The following COL11A1 variants were observed in gnomAD, a reference collection of about 807,000 sequenced individuals.
COL11A1 encodes the protein collagen type XI alpha 1 chain.
COL11A1 carries 74 observed loss-of-function variants against 265.2 expected under a neutral mutation model. The observed-to-expected ratio is 0.28, with a 90% CI of 0.23 to 0.34. The LOEUF is 0.34. Ranked by LOEUF, COL11A1 falls within the 10% of genes least tolerant of loss-of-function variation. The pLI, the probability that COL11A1 is intolerant of heterozygous loss-of-function variation, is 1.00. For synonymous variants in COL11A1, 816 were observed against 727.6 expected (o/e 1.12, Z -1.96); for missense variants, 2,165 against 2,263.6 (o/e 0.96, Z 0.88).
chr1:102,989,741 T>G lies in COL11A1; in HGVS notation c.2341-170A>C, dbSNP rs189185621. Among the ~76,000 whole-genome samples, 24 of 152,290 alleles carry G rather than the reference T, an allele frequency of 1.6e-4. No homozygotes were observed. The East Asian group carries it at 4.6e-3, about 29-fold the overall frequency. ...CTTTTCCAACTCCAGCCACAGATTC[T>G]GATCCCCAATATCATCTCATATTTT... is the stretch of plus-strand genomic sequence containing the variant. On this transcript the variant is annotated intron_variant, in intron 28 of 66. Coordinates refer to ENST00000370096, the MANE Select transcript of COL11A1 (RefSeq NM_001854.4).
intron 41 of COL11A1, among the ~76,000 whole-genome samples, chr1:102,960,213 GA>G (rs1660762750): frequency 6.6e-6 from 1 of 152,112 alleles, no homozygotes; most frequent in Non-Finnish European, 1.5e-5. Flanking sequence ...TGATGTGAGT[GA>G]AGTAAAGAGT....
intron 41 of COL11A1, among the ~76,000 whole-genome samples, chr1:102,948,128 T>A (rs1659511203): frequency 6.6e-6 from 1 of 152,034 alleles, no homozygotes; most frequent in African/African-American, 2.4e-5. Context: ...TTGTTCTAAT[T>A]TGTATTTTTA....
At chr1:103,087,499 G>A (rs138272419) in intron 1 of COL11A1, among the ~76,000 whole-genome samples, 2 of 152,146 alleles carry the variant, frequency 1.3e-5, no homozygotes, top group East Asian at 3.9e-4. Context: ...TGGATATCTG[G>A]ACACTCCCAC....
chr1:103,068,472 A>C (rs1243911885), intron 4 of COL11A1, among the ~76,000 whole-genome samples: 1 of 151,640 alleles, frequency 6.6e-6, no homozygotes, highest in East Asian at 1.9e-4. Flanking sequence ...ATCCAATGAA[A>C]ACTTTCAGCC....
At chr1:102,879,241 T>C (rs1239215297) in intron 66 of COL11A1, among the ~76,000 whole-genome samples, 2 of 152,118 alleles carry the variant, frequency 1.3e-5, no homozygotes, top group Non-Finnish European at 2.9e-5. Context: ...CAAACTGATA[T>C]AGTACAAATT....
intron 41 of COL11A1, among the ~76,000 whole-genome samples, chr1:102,958,003 G>T (rs1660533864): frequency 6.6e-6 from 1 of 151,948 alleles, no homozygotes; most frequent in Non-Finnish European, 1.5e-5. Context: ...TCATCACTTT[G>T]CTTTGCTTTT....
At chr1:102,956,371 G>A (rs74110529) in intron 41 of COL11A1, among the ~76,000 whole-genome samples, 1 of 152,006 alleles carries the variant, frequency 6.6e-6, no homozygotes, top group East Asian at 1.9e-4. Context: ...CTCTTTGCAG[G>A]AAGGTCCATT....
intron 4 of COL11A1, among the ~76,000 whole-genome samples, chr1:103,066,990 A>G (rs1333182523): frequency 2.0e-5 from 3 of 151,960 alleles, no homozygotes; most frequent in Admixed American, 6.6e-5. Flanking sequence ...TCTAACAATG[A>G]TAAATGTGCA....
At chr1:103,101,823 A>G (rs1426381042) in intron 1 of COL11A1, among the ~76,000 whole-genome samples, 1 of 151,952 alleles carries the variant, frequency 6.6e-6, no homozygotes, top group Non-Finnish European at 1.5e-5. Context: ...TTAGTTCTCA[A>G]TTGTCAAGTC....
intron 9 of COL11A1, among the ~76,000 whole-genome samples, chr1:103,019,076 G>T (rs1427138582): frequency 6.6e-6 from 1 of 152,120 alleles, no homozygotes; most frequent in African/African-American, 2.4e-5. Context: ...TGAATTAAGT[G>T]GAGTGGAAAT....
chr1:103,039,132 G>C (rs1264408519), intron 4 of COL11A1, among the ~76,000 whole-genome samples: 2 of 152,162 alleles, frequency 1.3e-5, no homozygotes, highest in African/African-American at 4.8e-5. Flanking sequence ...ACTTAAGACA[G>C]TGACTTTTAT....
At chr1:102,878,542 G>T (rs1649826569) in intron 66 of COL11A1, among the ~76,000 whole-genome samples, 1 of 85,368 alleles carries the variant, frequency 1.2e-5, no homozygotes, top group Non-Finnish European at 2.4e-5. Context: ...TTGAGATGAA[G>T]TTTTGCTCTG....
At chr1:102,911,053 G>A (rs1055995164) in intron 54 of COL11A1, among the ~76,000 whole-genome samples, 13 of 152,052 alleles carry the variant, frequency 8.5e-5, no homozygotes, top group African/African-American at 2.7e-4. Flanking sequence ...CAAAAATCAT[G>A]TACACTTTCC....
intron 20 of COL11A1, among the ~76,000 whole-genome samples, chr1:103,003,815 C>T (rs1444794083): frequency 2.0e-5 from 3 of 152,178 alleles, no homozygotes; most frequent in African/African-American, 7.2e-5. Context: ...CTTTTTCCCC[C>T]TCCTGCACCT....
intron 4 of COL11A1, among the ~76,000 whole-genome samples, chr1:103,056,785 C>A (rs1029647420): frequency 6.6e-6 from 1 of 152,058 alleles, no homozygotes; most frequent in Non-Finnish European, 1.5e-5. Context: ...TTTCTCAGTA[C>A]ATATAAAAGT....
intron 57 of COL11A1, 34 bp downstream of exon 57, chr1:102,898,091 T>A (rs1247669579): frequency 1.4e-6 from 2 of 1,465,164 alleles, no homozygotes; most frequent in Non-Finnish European, 9.4e-7. Flanking sequence ...TTAGAAATTC[T>A]CACTTTTTAA....
chr1:103,021,996 G>A (rs545989049), intron 8 of COL11A1, among the ~76,000 whole-genome samples: 136 of 144,426 alleles, frequency 9.4e-4, no homozygotes, highest in Non-Finnish European at 1.7e-3. Context: ...ACAGGCGCCC[G>A]CCACCACACC....
At chr1:102,983,267 G>A (rs1663213455) in intron 31 of COL11A1, among the ~76,000 whole-genome samples, 2 of 151,942 alleles carry the variant, frequency 1.3e-5, no homozygotes, top group Admixed American at 1.3e-4. Flanking sequence ...CCAAAAATGA[G>A]ATTTGAGTGA....
chr1:102,909,635 A>G (rs1354622862), intron 54 of COL11A1, among the ~76,000 whole-genome samples: 2 of 152,128 alleles, frequency 1.3e-5, no homozygotes, highest in African/African-American at 2.4e-5. Context: ...TTAAAATTAT[A>G]TCTCATTTAA....
Sources: allele counts gnomAD v4.1 joint callset (sites outside exome capture counted in the v4.1 genomes callset), GRCh38; gene constraint gnomAD v4.1.1; transcripts MANE v1.5; gene names NCBI Gene and HGNC (gene_info 2026-07-23, HGNC 2026-07-21).